Variants in POLR3H observed in about 807,000 individuals in gnomAD.
POLR3H encodes DNA-directed RNA polymerase III subunit RPC8.
POLR3H carries 17 observed loss-of-function variants against 25.5 expected under a neutral mutation model. The observed-to-expected ratio is 0.67, with a 90% CI of 0.46 to 1.00. The LOEUF is 1.00. Ranked by LOEUF, POLR3H falls within the 50% of genes least tolerant of loss-of-function variation. POLR3H has a pLI of 0.00. For synonymous variants in POLR3H, 129 were observed against 103.0 expected (o/e 1.25, Z -1.53); for missense variants, 274 against 265.0 (o/e 1.03, Z -0.24).
chr22:41,543,942 C>T, intron 1 of POLR3H, 49 bp downstream of exon 1: 3 of 1,392,104 alleles, frequency 2.2e-6, no homozygotes, highest in Non-Finnish European at 3.0e-6. Context: ...CAGTGGGCGG[C>T]GCTCGCTCTC....
chr22:41,533,504 TG>T, intron 2 of POLR3H: 2 of 1,208,948 alleles, frequency 1.7e-6, no homozygotes, highest in Admixed American at 3.0e-5. Context: ...GGGAGACACC[TG>T]GTCTTTCTGT....
Position 41,530,839 on chromosome 22 carries a change from C to T in POLR3H, c.409G>A (p.Ala137Thr), listed in dbSNP as rs551011781. 5 of 1,613,966 alleles carry T rather than the reference C, an allele frequency of 3.1e-6. No individual in the cohort carries two copies. Among genetic ancestry groups the T allele is most frequent in the Non-Finnish European group, 4.2e-6 (5 of 1,180,046 alleles). ...CCGGTGTCCATGTAGAGGTCGTGTG[C>T]TCCTTCCTCCGTCTCGTACTCCCAC... ...WVWEYETEEGAHDLYMDTGEE... is the reference protein window; with the variant it reads ...WVWEYETEEGTHDLYMDTGEE... Residue 137 changes from alanine (A) to threonine (T), a missense_variant, in exon 5 of 6, where the codon GCA (alanine) becomes ACA (threonine). By Grantham distance (58) the Ala-to-Thr change is moderately conservative. Transcript: ENST00000355209.
chr22:41,530,923 A>T, intron 4 of POLR3H, 35 bp from the exon 5 acceptor site: 2 of 1,605,734 alleles, frequency 1.2e-6, no homozygotes, highest in Non-Finnish European at 1.7e-6. Context: ...GCAACCAGAT[A>T]GTGGGAGGGG....
At chr22:41,543,399 G>A (rs2066961290) in intron 1 of POLR3H, among the ~76,000 whole-genome samples, 1 of 151,988 alleles carries the variant, frequency 6.6e-6, no homozygotes, top group African/African-American at 2.4e-5. Context: ...AGGCCGAGGC[G>A]GGGGGATCAA....
In POLR3H at chr22:41,544,347, A is replaced by G; in HGVS notation, c.-246T>C. On this transcript the variant is annotated 5_prime_UTR_variant, in exon 1 of 6. Transcript: ENST00000355209. ...TCCGGGTGCGCGCCCGCGCCGCGAG[A>G]CCCCGCCACGCCACGCCACTCCACG... is the stretch of plus-strand genomic sequence containing the variant. 1 of 358,108 alleles carries G rather than the reference A, an allele frequency of 2.8e-6. No individual in the cohort carries two copies. The highest frequency in any genetic ancestry group is 5.0e-6 in the Non-Finnish European group (1 of 200,840). 22.2% of individuals were successfully genotyped at this position (358,108 alleles called of 1,614,324 possible).
Position 41,526,071 on chromosome 22 carries a change from C to G in POLR3H, c.*3212G>C, listed in dbSNP as rs2066588117. The G allele has an allele frequency of 1.1e-5, 6 of 561,232 alleles. No individual in the cohort carries two copies. The highest frequency in any genetic ancestry group is 1.9e-5 in the Non-Finnish European group (6 of 317,578). The allele number at this position is 561,232 out of a possible 1,614,324, so 34.8% of individuals were successfully genotyped here. On this transcript the variant is annotated 3_prime_UTR_variant, in exon 6 of 6. Coordinates refer to ENST00000355209, the MANE Select transcript of POLR3H (RefSeq NM_001018050.4). ...CAGAGGCCTTTGAGGGGATGAAGGC[C>G]TGGCCTGAGCCCATGTGGCCTTAGG...
rs1031282908 is a variant in POLR3H, at chr22:41,526,815, G to C, written c.*2468C>G. On this transcript the variant is annotated 3_prime_UTR_variant, in exon 6 of 6. Coordinates refer to ENST00000355209, the MANE Select transcript of POLR3H (RefSeq NM_001018050.4). ...CAGGCAGAGAGGGTCTGAGGTGATTGGACTTTTTCTGCTTTGAGAAACAAA... is the reference window on the plus strand; with the variant it reads ...CAGGCAGAGAGGGTCTGAGGTGATTCGACTTTTTCTGCTTTGAGAAACAAA... 5 of 307,896 alleles carry C rather than the reference G, an allele frequency of 1.6e-5. No individual in the cohort carries two copies. Among genetic ancestry groups the C allele is most frequent in the African/African-American group, 4.3e-5 (2 of 46,330 alleles). 19.1% of individuals were successfully genotyped at this position (307,896 alleles called of 1,614,324 possible). A position where few individuals can be genotyped will look rare whatever the true frequency, so the allele number is the denominator to read the frequency against.
Position 41,525,875 on chromosome 22 carries a change from CCT to C in POLR3H, c.*3406_*3407del. 1 of 210,004 alleles carries C rather than the reference CCT, an allele frequency of 4.8e-6. No homozygotes were observed. The highest frequency in any genetic ancestry group is 9.5e-6 in the Non-Finnish European group (1 of 105,450). 13.0% of individuals were successfully genotyped at this position (210,004 alleles called of 1,614,324 possible). ...GCTTATTAAGGGGTCTCCAGGCACC[CCT>C]GTGACAGAAGAGACTAATCAGTCAT... On this transcript the variant is annotated 3_prime_UTR_variant, in exon 6 of 6. Transcript: ENST00000355209.
Position 41,526,460 on chromosome 22 carries a change from C to A in POLR3H, c.*2823G>T. On this transcript the variant is annotated 3_prime_UTR_variant, in exon 6 of 6. Coordinates refer to ENST00000355209, the MANE Select transcript of POLR3H (RefSeq NM_001018050.4). ...CACTGCCCGCTACTACAAGGTGGGT[C>A]AGAGTTGATAGGGGCAATGCCAGTG... 6.2e-7 allele frequency: 1 copy of A among 1,608,642 alleles called. No individual in the cohort carries two copies. The highest frequency in any genetic ancestry group is 1.1e-5 in the South Asian group (1 of 90,682).
chr22:41,544,184 G>A lies in POLR3H; in HGVS notation c.-83C>T. 2.4e-6 allele frequency: 2 copies of A among 837,732 alleles called. No individual in the cohort carries two copies. Among genetic ancestry groups the A allele is most frequent in the Non-Finnish European group, 3.8e-6 (2 of 526,662 alleles). 51.9% of individuals were successfully genotyped at this position (837,732 alleles called of 1,614,324 possible). Reference sequence around the variant, plus strand: ...GGCAGGGAGAATCCCCGAGCCCCTTGGTCCCGTCCCAGTCGCTGAGGCCCC... The same window carrying A: ...GGCAGGGAGAATCCCCGAGCCCCTTAGTCCCGTCCCAGTCGCTGAGGCCCC... On this transcript the variant is annotated 5_prime_UTR_variant, in exon 1 of 6. The change creates a premature stop within an existing upstream ORF in the 5' untranslated region. Transcript: ENST00000355209.
Position 41,527,087 on chromosome 22 carries a change from C to T in POLR3H, c.*2196G>A. ...ACTGCAAACAACCACGTGCCTCTGT[C>T]CCCTCGGGGCCTCGTTTGGGTCTCA... On this transcript the variant is annotated 3_prime_UTR_variant, in exon 6 of 6. Transcript: ENST00000355209. The T allele has an allele frequency of 1.4e-6, 1 of 705,294 alleles. No homozygotes were observed. 43.7% of individuals were successfully genotyped at this position (705,294 alleles called of 1,614,324 possible).
Position 41,527,143 on chromosome 22 carries a change from C to A in POLR3H, c.*2140G>T. The stretch of plus-strand genomic sequence containing the variant: ...GCAGGCTTCACTTGCCCTTAGGCAG[C>A]AGGCGAGGAAGGGCCCCTCCAGCCC... On this transcript the variant is annotated 3_prime_UTR_variant, in exon 6 of 6. Coordinates refer to ENST00000355209, the MANE Select transcript of POLR3H (RefSeq NM_001018050.4). 3.3e-6 allele frequency: 4 copies of A among 1,209,604 alleles called. No homozygotes were observed. Among genetic ancestry groups the A allele is most frequent in the South Asian group, 1.4e-5 (1 of 70,822 alleles). 74.9% of individuals were successfully genotyped at this position (1,209,604 alleles called of 1,614,324 possible).
At chr22:41,533,142 C>G (rs1263498784) in intron 2 of POLR3H, among the ~76,000 whole-genome samples, 1 of 152,226 alleles carries the variant, frequency 6.6e-6, no homozygotes, top group African/African-American at 2.4e-5. Flanking sequence ...CAGCTCTGAC[C>G]TGGAGAGGAG....
chr22:41,534,988 C>T (rs2066817081), intron 2 of POLR3H, among the ~76,000 whole-genome samples: 1 of 152,062 alleles, frequency 6.6e-6, no homozygotes, highest in Non-Finnish European at 1.5e-5. Flanking sequence ...CTCTCCTGCC[C>T]TGCTCATATC....
At position 41,538,334 on chromosome 22, in the gene POLR3H, C is replaced by T. The variant is rs374113629; in HGVS notation, c.208+2365G>A. Among the ~76,000 whole-genome samples the T allele has an allele frequency of 7.9e-5, 12 of 152,134 alleles. No individual in the cohort carries two copies. In the East Asian group the frequency reaches 1.9e-3, roughly 24 times the overall value. ...ATTTTTAGTAGAGACAGGGTTTCAC[C>T]GTGTTAGCCAGGAGATCTCCTGACC... On this transcript the variant is annotated intron_variant, in intron 2 of 5. Coordinates refer to ENST00000355209, the MANE Select transcript of POLR3H (RefSeq NM_001018050.4).
chr22:41,531,655 A>T (rs73420821), intron 4 of POLR3H, among the ~76,000 whole-genome samples: 3 of 152,350 alleles, frequency 2.0e-5, no homozygotes, highest in African/African-American at 7.2e-5. Flanking sequence ...GAGGGGTGGG[A>T]CAGGGACAAC....
intron 2 of POLR3H, chr22:41,539,675 G>C (rs1601963564): frequency 6.6e-6 from 1 of 152,392 alleles, no homozygotes; most frequent in Non-Finnish European, 1.5e-5. Flanking sequence ...GCAGAGGCTT[G>C]AGAAGTACTT....
Position 41,527,271 on chromosome 22 carries a change from C to G in POLR3H, c.*2012G>C, listed in dbSNP as rs373677045. On this transcript the variant is annotated 3_prime_UTR_variant, in exon 6 of 6. Coordinates refer to ENST00000355209, the MANE Select transcript of POLR3H (RefSeq NM_001018050.4). ...GCCCTCCTCTGCCTTATAACCTTAC[C>G]CCCGCTTGCCTGACAGAAACATGGC... The G allele has an allele frequency of 3.2e-5, 52 of 1,614,014 alleles. No homozygotes were observed. The highest frequency in any genetic ancestry group is 4.1e-5 in the Non-Finnish European group (48 of 1,180,006).
chr22:41,533,902 G>A (rs544944923), intron 2 of POLR3H, among the ~76,000 whole-genome samples: 18 of 152,304 alleles, frequency 1.2e-4, no homozygotes, highest in African/African-American at 4.3e-4. Flanking sequence ...ACTTTGGGAG[G>A]CCGAGGTGGG....
Sources: allele counts gnomAD v4.1 joint callset (sites outside exome capture counted in the v4.1 genomes callset), GRCh38; gene constraint gnomAD v4.1.1; transcripts MANE v1.5; gene names NCBI Gene and HGNC (gene_info 2026-07-23, HGNC 2026-07-21).